The following CRYBG3 variants were observed in gnomAD, a reference collection of about 807,000 sequenced individuals.
CRYBG3 encodes very large A-kinase anchor protein.
A neutral mutation model predicts 244.2 loss-of-function variants in CRYBG3; 127 were observed. The observed-to-expected ratio is 0.52, with a 90% CI of 0.45 to 0.60. The LOEUF is 0.60. Ranked by LOEUF, CRYBG3 falls within the 20% of genes least tolerant of loss-of-function variation. CRYBG3 has a pLI of 0.00. For missense variants in CRYBG3, 3,325 were observed against 3,442.5 expected (o/e 0.97, Z 0.85); for synonymous variants, 1,132 against 1,195.8 (o/e 0.95, Z 1.10).
rs186190374 is a variant in CRYBG3, at chr3:97,869,244, T to A, written c.648-2598T>A. Among the ~76,000 whole-genome samples, 431 of 152,238 alleles carry A rather than the reference T, an allele frequency of 2.8e-3. 1 individual carries two copies. The highest frequency in any genetic ancestry group is 4.8e-3 in the Non-Finnish European group (326 of 67,960). ...TCATTCATTCATTCATTCATTCAAC[T>A]TTTGGGGTTTTGTTGGTAGTTACAA... On this transcript the variant is annotated intron_variant, in intron 3 of 21. Coordinates refer to ENST00000389622, the MANE Select transcript of CRYBG3 (RefSeq NM_153605.4).
chr3:97,906,855 CCATT>C (rs1274023444), intron 15 of CRYBG3, among the ~76,000 whole-genome samples: 1 of 151,148 alleles, frequency 6.6e-6, no homozygotes, highest in Non-Finnish European at 1.5e-5. Flanking sequence ...CAGTTTTTGC[CCATT>C]CAGTATGATA....
At chr3:97,904,237 G>T (rs1044290518) in intron 15 of CRYBG3, among the ~76,000 whole-genome samples, 2 of 152,140 alleles carry the variant, frequency 1.3e-5, no homozygotes, top group African/African-American at 4.8e-5. Context: ...TTTGAGGATT[G>T]ATAAGGTGAT....
chr3:97,840,437 C>G (rs1390855424), intron 1 of CRYBG3, among the ~76,000 whole-genome samples: 1 of 152,046 alleles, frequency 6.6e-6, no homozygotes, highest in Non-Finnish European at 1.5e-5. Flanking sequence ...TAAGAAATAT[C>G]AAGTAATATT....
Position 97,875,195 on chromosome 3 carries a change from C to A in CRYBG3, c.4001C>A (p.Ser1334Tyr). Residue 1334 changes from serine (S) to tyrosine (Y), a missense_variant, in exon 4 of 22, where the codon TCT (serine) becomes TAT (tyrosine). Ser to Tyr is a moderately radical substitution (Grantham distance 144). Around this residue, in one of 4 missense-constraint regions of CRYBG3, gnomAD observed 635 missense variants for 771.7 expected, o/e 0.82. Coordinates refer to ENST00000389622, the MANE Select transcript of CRYBG3 (RefSeq NM_153605.4). The stretch of plus-strand genomic sequence containing the variant: ...GAAGATACTGAGGATACTTGGGATT[C>A]TGAACTTCAGGCTAATACTTCAAAA... ...TFEDTEDTWD[S>Y]ELQANTSKIL... 2 of 1,535,400 alleles carry A rather than the reference C, an allele frequency of 1.3e-6. No individual in the cohort carries two copies. The highest frequency in any genetic ancestry group is 1.7e-6 in the Non-Finnish European group (2 of 1,146,642).
At position 97,822,326 on chromosome 3, in the gene CRYBG3, G is replaced by A. The variant is rs539202009; in HGVS notation, c.120G>A (p.Pro40=). ...AGGAGGAGAGGCCGGGGACGAGCCC[G>A]CCTCCAGCTCCAGGCCGGTCCGCTG... ...EEEEERPGTS[P]PPAPGRSAAS... Residue 40 remains proline (P), a synonymous_variant, in exon 1 of 22, where the codon CCG becomes CCA. Coordinates refer to ENST00000389622, the MANE Select transcript of CRYBG3 (RefSeq NM_153605.4). 6.0e-6 allele frequency: 9 copies of A among 1,512,146 alleles called. No homozygotes were observed. Among genetic ancestry groups the A allele is most frequent in the Non-Finnish European group, 7.9e-6 (9 of 1,135,144 alleles). The allele number at this position is 1,512,146 out of a possible 1,614,324, so 93.7% of individuals were successfully genotyped here. A position where few individuals can be genotyped will look rare whatever the true frequency, so the allele number is the denominator to read the frequency against.
In CRYBG3 at chr3:97,880,061, C is replaced by A; in HGVS notation, c.6965C>A (p.Ser2322Tyr). ...AATATTCCTGATGCTACATCATGGT[C>A]TTTTCCAAATGGAGTTCTAATAAAA... ...YCNIPDATSW[S>Y]FPNGVLIKVV... is the part of the protein sequence containing the mutation. Residue 2322 changes from serine to tyrosine, a missense_variant, in exon 6 of 22, where the codon TCT (serine) becomes TAT (tyrosine). Physicochemically the swap from Ser to Tyr is moderately radical, Grantham distance 144 (BLOSUM62 -2). Coordinates refer to ENST00000389622, the MANE Select transcript of CRYBG3 (RefSeq NM_153605.4). 6.3e-7 allele frequency: 1 copy of A among 1,598,896 alleles called. No individual in the cohort carries two copies. Among genetic ancestry groups the A allele is most frequent in the East Asian group, 2.2e-5 (1 of 44,470 alleles).
Position 97,830,877 on chromosome 3 carries a change from T to G in CRYBG3, c.149+8522T>G, listed in dbSNP as rs1274611616. On this transcript the variant is annotated intron_variant, in intron 1 of 21. Coordinates refer to ENST00000389622, the MANE Select transcript of CRYBG3 (RefSeq NM_153605.4). The stretch of plus-strand genomic sequence containing the variant: ...TATCTTAACGATTTAGAATGGAGAG[T>G]TTGGCTCAAGCTCCCTGTGTGTGGT... Among the ~76,000 whole-genome samples, 5 of 152,050 alleles carry G rather than the reference T, an allele frequency of 3.3e-5. No individual in the cohort carries two copies. In the East Asian group the frequency reaches 9.6e-4, roughly 29 times the overall value.
At chr3:97,867,903 C>T (rs978905927) in intron 3 of CRYBG3, among the ~76,000 whole-genome samples, 1 of 152,174 alleles carries the variant, frequency 6.6e-6, no homozygotes, top group African/African-American at 2.4e-5. Context: ...TTTCCACCTT[C>T]AGCTTATTAT....
intron 2 of CRYBG3, among the ~76,000 whole-genome samples, chr3:97,861,722 C>T (rs1265440544): frequency 6.6e-6 from 1 of 152,256 alleles, no homozygotes; most frequent in African/African-American, 2.4e-5. Flanking sequence ...CAATGGTAGA[C>T]AGTCCTGTTG....
intron 17 of CRYBG3, among the ~76,000 whole-genome samples, chr3:97,920,730 A>G (rs1471196724): frequency 6.6e-6 from 1 of 151,962 alleles, no homozygotes; most frequent in Non-Finnish European, 1.5e-5. Flanking sequence ...GGGTTTCACC[A>G]TGTTGGCCAG....
At chr3:97,832,957 T>G (rs565936327) in intron 1 of CRYBG3, among the ~76,000 whole-genome samples, 1 of 152,180 alleles carries the variant, frequency 6.6e-6, no homozygotes, top group East Asian at 1.9e-4. Context: ...AATGAGCATA[T>G]GAAAAAAAGC....
rs948307430 is a variant in CRYBG3 at position 97,933,581 on chromosome 3, A to T, written c.8242-113A>T. ...CTATAGCAACCTTAGAGAGTAAAACAGTAAACTCCATGCATTTAAGAATAC... is the reference window on the plus strand; with the variant it reads ...CTATAGCAACCTTAGAGAGTAAAACTGTAAACTCCATGCATTTAAGAATAC... On this transcript the variant is annotated intron_variant, in intron 17 of 21. Transcript: ENST00000389622. The T allele has an allele frequency of 1.2e-5, 12 of 1,026,380 alleles. No homozygotes were observed. The African/African-American group carries it at 1.9e-4, about 16-fold the overall frequency. 63.6% of individuals were successfully genotyped at this position (1,026,380 alleles called of 1,614,324 possible). A position where few individuals can be genotyped will look rare whatever the true frequency, so the allele number is the denominator to read the frequency against.
chr3:97,936,760 ACT>A, intron 18 of CRYBG3, 23 bp from the exon 19 acceptor site: 2 of 1,607,482 alleles, frequency 1.2e-6, no homozygotes, highest in Non-Finnish European at 1.7e-6. Flanking sequence ...GAAGTACACT[ACT>A]TTTTTCTTTC....
Position 97,856,666 on chromosome 3 carries a change from T to C in CRYBG3, c.217-7551T>C, listed in dbSNP as rs573439818. ...TGACTTCCCACAACATCCAGGAATGTATTCATTTCCTCTAGGTTTTTTTTG... is the reference window on the plus strand; with the variant it reads ...TGACTTCCCACAACATCCAGGAATGCATTCATTTCCTCTAGGTTTTTTTTG... On this transcript the variant is annotated intron_variant, in intron 2 of 21. Transcript: ENST00000389622. Among the ~76,000 whole-genome samples, 4 of 152,304 alleles carry C rather than the reference T, an allele frequency of 2.6e-5. No homozygotes were observed. The East Asian group carries it at 5.8e-4, about 22-fold the overall frequency.
At position 97,881,185 on chromosome 3, in the gene CRYBG3, A is replaced by G. The variant is rs534181793; in HGVS notation, c.7118A>G (p.Asn2373Ser). 102 of 1,610,076 alleles carry G rather than the reference A, an allele frequency of 6.3e-5. No individual in the cohort carries two copies. The South Asian group carries it at 7.2e-4, about 11-fold the overall frequency. Residue 2373 changes from asparagine to serine, a missense_variant, in exon 7 of 22, where the codon AAC (asparagine) becomes AGC (serine). Physicochemically the swap from Asn to Ser is conservative, Grantham distance 46. Transcript: ENST00000389622. ...ILQNRRHPQRNFILGSLKRVL... is the reference protein window; with the variant it reads ...ILQNRRHPQRSFILGSLKRVL... The stretch of plus-strand genomic sequence containing the variant: ...CAGAACAGAAGGCATCCACAAAGAA[A>G]CTTTATATTGGGTTCTCTCAAACGT...
chr3:97,874,065 G>A lies in CRYBG3; in HGVS notation c.2871G>A (p.Ala957=), dbSNP rs554557495. 1,224 of 1,535,806 alleles carry A rather than the reference G, an allele frequency of 8.0e-4. 13 individuals carry two copies. Among genetic ancestry groups the A allele is most frequent in the Admixed American group, 3.7e-4 (19 of 50,970 alleles). Reference sequence around the variant, plus strand: ...ATGAAAAAATCAGTAGGCAAATGGCGCAGAATTGTGAAGCTCACACTTGTG... The same window carrying A: ...ATGAAAAAATCAGTAGGCAAATGGCACAGAATTGTGAAGCTCACACTTGTG... ...IHDEKISRQM[A]QNCEAHTCVF... Residue 957 remains alanine, a synonymous_variant, in exon 4 of 22, where the codon GCG becomes GCA. Transcript: ENST00000389622.
intron 2 of CRYBG3, among the ~76,000 whole-genome samples, chr3:97,857,136 A>T (rs1332647750): frequency 6.6e-6 from 1 of 151,934 alleles, no homozygotes; most frequent in Non-Finnish European, 1.5e-5. Context: ...TTCATCGGTC[A>T]TTCAGGAGCA....
chr3:97,876,709 A>G lies in CRYBG3; in HGVS notation c.5515A>G (p.Thr1839Ala). 1.6e-6 allele frequency: 2 copies of G among 1,255,908 alleles called. No individual in the cohort carries two copies. Among genetic ancestry groups the G allele is most frequent in the Non-Finnish European group, 2.0e-6 (2 of 1,003,006 alleles). The allele number at this position is 1,255,908 out of a possible 1,614,324, so 77.8% of individuals were successfully genotyped here. ...VKETIGATVS[T>A]PSVIEMEKIS... ...AGAGACTATTGGAGCAACTGTGTCC[A>G]CACCCTCTGTGATAGAAATGGAAAA... The change falls in exon 4 of 22, where the codon ACA (threonine) becomes GCA (alanine). Residue 1839 changes from threonine (T) to alanine (A), a missense_variant. Physicochemically the swap from Thr to Ala is moderately conservative, Grantham distance 58. Transcript: ENST00000389622.
intron 1 of CRYBG3, among the ~76,000 whole-genome samples, chr3:97,824,930 T>C (rs1001124049): frequency 6.6e-6 from 1 of 152,078 alleles, no homozygotes; most frequent in African/African-American, 2.4e-5. Context: ...TTAGAAGTGA[T>C]AGGGGAGACC....
Sources: allele counts gnomAD v4.1 joint callset (sites outside exome capture counted in the v4.1 genomes callset), GRCh38; gene constraint gnomAD v4.1.1; regional missense constraint gnomAD v4.1.1; transcripts MANE v1.5; gene names NCBI Gene and HGNC (gene_info 2026-07-23, HGNC 2026-07-21).